The following KIF15 variants were observed in gnomAD, a reference collection of about 807,000 sequenced individuals.
The protein encoded by KIF15 is kinesin family member 15, also known as kinesin-like protein KIF15.
KIF15 carries 140 observed loss-of-function variants against 190.6 expected under a neutral mutation model. The ratio of observed to expected loss-of-function variants is 0.73; its 90% CI spans 0.64 to 0.84. The LOEUF is 0.84. Among genes scored for constraint, KIF15 ranks in the 40% least tolerant of loss-of-function variants. The probability of loss-of-function intolerance (pLI) is 0.00; values close to 1 mark genes in which losing one functional copy is unlikely to be tolerated. For synonymous variants in KIF15, 528 were observed against 551.3 expected (o/e 0.96, Z 0.59); for missense variants, 1,372 against 1,584.4 (o/e 0.87, Z 2.28).
chr3:44,860,836 T>G (rs1699234045), intron 6 of KIF15, among the ~76,000 whole-genome samples: 1 of 151,768 alleles, frequency 6.6e-6, no homozygotes, highest in African/African-American at 2.4e-5. Context: ...ATATACATAT[T>G]CTATAATTTT....
At chr3:44,859,621 T>A (rs1168571496) in intron 6 of KIF15, among the ~76,000 whole-genome samples, 1 of 152,220 alleles carries the variant, frequency 6.6e-6, no homozygotes, top group Non-Finnish European at 1.5e-5. Flanking sequence ...GATCCACCAC[T>A]GTACTCCAGC....
intron 7 of KIF15, among the ~76,000 whole-genome samples, chr3:44,790,695 C>CTTTTTTTTTTTTTTTT (rs56414094): frequency 1.0e-5 from 1 of 97,972 alleles, no homozygotes; most frequent in Non-Finnish European, 1.9e-5. Flanking sequence ...TTTTCTGTTT[C>CTTTTTTTTTTTTTTTT]TTTTTTTTTT....
Position 44,792,551 on chromosome 3 carries a change from T to C in KIF15, c.640-1666T>C, listed in dbSNP as rs977761581. On this transcript the variant is annotated intron_variant, in intron 7 of 34. Coordinates refer to ENST00000326047, the MANE Select transcript of KIF15 (RefSeq NM_020242.3). The stretch of plus-strand genomic sequence containing the variant: ...ATAGGGTTATAACAGCTACGAATTT[T>C]TTTTTTTTTTTTGTGATGAGACAGA... 9.9e-4 allele frequency among the ~76,000 whole-genome samples: 150 copies of C among 151,864 alleles called. 1 individual carries two copies. Among genetic ancestry groups the C allele is most frequent in the African/African-American group, 3.4e-3 (142 of 41,486 alleles).
intron 11 of KIF15, among the ~76,000 whole-genome samples, chr3:44,801,218 G>T (rs1251995519): frequency 3.3e-5 from 5 of 150,534 alleles, no homozygotes; most frequent in East Asian, 2.0e-4. Flanking sequence ...CGGGAGGGGG[G>T]GGTCTCACCA....
intron 1 of KIF15, among the ~76,000 whole-genome samples, chr3:44,772,443 G>T (rs1705684746): frequency 6.6e-6 from 1 of 151,944 alleles, no homozygotes; most frequent in African/African-American, 2.4e-5. Flanking sequence ...ATTAAGAGGG[G>T]CAAGACAAAA....
At chr3:44,797,701 G>A in intron 9 of KIF15, 25 bp downstream of exon 9, 1 of 1,611,526 alleles carries the variant, frequency 6.2e-7, no homozygotes, top group Non-Finnish European at 8.5e-7. Context: ...TGGGTTCCTG[G>A]GCTCCTTTTG....
chr3:44,777,189 A>G (rs771879007), intron 3 of KIF15, among the ~76,000 whole-genome samples: 140 of 151,648 alleles, frequency 9.2e-4, no homozygotes, highest in Non-Finnish European at 3.2e-4. Flanking sequence ...GTAGAGATGG[A>G]GTCTTACTAT....
At chr3:44,799,796 C>T (rs1707178670) in intron 10 of KIF15, among the ~76,000 whole-genome samples, 1 of 151,266 alleles carries the variant, frequency 6.6e-6, no homozygotes. Flanking sequence ...GTCAAACCAA[C>T]CCCTCCTTCC....
downstream of KIF15, among the ~76,000 whole-genome samples, chr3:44,857,083 C>T (rs975065882): frequency 4.6e-5 from 7 of 151,966 alleles, no homozygotes; most frequent in African/African-American, 1.7e-4. Context: ...GGATGAGGAA[C>T]AGGAAAGAAG....
chr3:44,766,626 A>G (rs900570311), intron 1 of KIF15, among the ~76,000 whole-genome samples: 3 of 152,128 alleles, frequency 2.0e-5, no homozygotes, highest in Admixed American at 1.3e-4. Context: ...GGCTGCTGCA[A>G]TCTACAGTGG....
chr3:44,838,450 T>A, intron 27 of KIF15, 29 bp downstream of exon 27: 1 of 1,600,766 alleles, frequency 6.2e-7, no homozygotes, highest in Non-Finnish European at 8.5e-7. Context: ...TCACTCAAGA[T>A]GGGAGACAAG....
intron 1 of KIF15, among the ~76,000 whole-genome samples, chr3:44,774,100 G>A (rs72874099): frequency 0.011 from 1,654 of 152,294 alleles, 28 homozygotes; most frequent in African/African-American, 0.037. Context: ...CTGTGCATGT[G>A]TTGAGGGATG....
At chr3:44,850,289 A>G (rs1350944032) in intron 32 of KIF15, among the ~76,000 whole-genome samples, 1 of 152,220 alleles carries the variant, frequency 6.6e-6, no homozygotes, top group East Asian at 1.9e-4. Flanking sequence ...CCTGTGTATG[A>G]GCCATTCAGA....
intron 24 of KIF15, among the ~76,000 whole-genome samples, chr3:44,828,864 C>A (rs1002824704): frequency 6.6e-6 from 1 of 151,850 alleles, no homozygotes; most frequent in African/African-American, 2.4e-5. Context: ...ATGGAGAAAC[C>A]CCATCTCTAC....
At chr3:44,843,035 G>A (rs1698677322) in intron 29 of KIF15, 90 bp from the exon 30 acceptor site, 1 of 866,586 alleles carries the variant, frequency 1.2e-6, no homozygotes, top group Admixed American at 2.5e-5. Context: ...GAACTTAAAA[G>A]AGGAATACCT....
Position 44,775,328 on chromosome 3 carries a change from A to G in KIF15, c.137A>G (p.Glu46Gly), listed in dbSNP as rs1705823508. 1.2e-6 allele frequency: 2 copies of G among 1,613,920 alleles called. No homozygotes were observed. Among genetic ancestry groups the G allele is most frequent in the Non-Finnish European group, 1.7e-6 (2 of 1,179,934 alleles). ...GAAAGATCTGGGTCAGCTGATGGAG[A>G]GCAGAACTTATGCTTATCTGTGCTG... is the stretch of plus-strand genomic sequence containing the variant. Reference protein sequence around the residue: ...PAERSGSADGEQNLCLSVLSS... With the variant: ...PAERSGSADGGQNLCLSVLSS... The change falls in exon 3 of 35, where the codon GAG becomes GGG. Residue 46 changes from glutamate to glycine, a missense_variant. By Grantham distance (98) the Glu-to-Gly change is moderately conservative. Coordinates refer to ENST00000326047, the MANE Select transcript of KIF15 (RefSeq NM_020242.3).
At chr3:44,776,850 C>T (rs1312985096) in intron 3 of KIF15, among the ~76,000 whole-genome samples, 2 of 152,150 alleles carry the variant, frequency 1.3e-5, no homozygotes, top group African/African-American at 4.8e-5. Flanking sequence ...TTCAGTGCCT[C>T]AGATGCACTA....
intron 6 of KIF15, chr3:44,861,803 C>A: frequency 8.5e-7 from 1 of 1,180,306 alleles, no homozygotes; most frequent in Non-Finnish European, 1.2e-6. Flanking sequence ...GAGAGCGATT[C>A]CCAAGGGGCC....
chr3:44,764,354 G>A (rs967234547), intron 1 of KIF15, among the ~76,000 whole-genome samples: 1 of 152,090 alleles, frequency 6.6e-6, no homozygotes, highest in Non-Finnish European at 1.5e-5. Context: ...AAATGGTACA[G>A]TATGTATTCT....
Sources: gnomAD v4.1 joint callset for allele counts (sites outside exome capture counted in the v4.1 genomes callset) on GRCh38, gnomAD v4.1.1 for gene constraint, MANE v1.5 for transcripts, NCBI Gene and HGNC (gene_info 2026-07-23, HGNC 2026-07-21) for gene names.